Variants in ARL9 observed in about 807,000 individuals in gnomAD.
The protein encoded by ARL9 is ADP-ribosylation factor-like protein 9.
Under a neutral mutation model 27.0 loss-of-function variants are expected in ARL9, and 14 were observed. The ratio of observed to expected loss-of-function variants is 0.52; its 90% confidence interval spans 0.34 to 0.81. The LOEUF is 0.81. Ranked by LOEUF, ARL9 falls within the 30% of genes least tolerant of loss-of-function variation. The probability of loss-of-function intolerance (pLI) is 0.01; values close to 1 mark genes in which losing one functional copy is unlikely to be tolerated. For synonymous variants in ARL9, 106 were observed against 108.7 expected (o/e 0.98, Z 0.15); for missense variants, 294 against 290.0 (o/e 1.01, Z -0.10).
intron 3 of ARL9, among the ~76,000 whole-genome samples, chr4:56,520,396 G>A (rs899734634): frequency 3.3e-5 from 5 of 152,160 alleles, no homozygotes; most frequent in Non-Finnish European, 1.5e-5. Flanking sequence ...AAGTGAATAA[G>A]CCAGTCACAA....
intron 2 of ARL9, among the ~76,000 whole-genome samples, chr4:56,517,779 ATT>A (rs534559710): frequency 6.7e-6 from 1 of 149,164 alleles, no homozygotes; most frequent in African/African-American, 2.5e-5. Context: ...ATCAAAAGGC[ATT>A]TTTTTTTTCT....
At chr4:56,509,631 T>C (rs192666222) in intron 1 of ARL9, among the ~76,000 whole-genome samples, 4 of 151,488 alleles carry the variant, frequency 2.6e-5, no homozygotes, top group African/African-American at 9.7e-5. Flanking sequence ...GCCTCCAAGG[T>C]TCAAGCAATT....
At chr4:56,506,786 T>TTTTGTGTGTGTGTGTGTG (rs775195012) in intron 1 of ARL9, 3 of 179,852 alleles carry the variant, frequency 1.7e-5, no homozygotes, top group Admixed American at 1.1e-4. Flanking sequence ...ATTAACACAG[T>TTTTGTGTGTGTGTGTGTG]TGTGTGTGTG....
chr4:56,512,610 G>C (rs1721667791), intron 2 of ARL9, among the ~76,000 whole-genome samples: 1 of 149,490 alleles, frequency 6.7e-6, no homozygotes, highest in Admixed American at 6.7e-5. Context: ...CACGATCTCA[G>C]CTCACTGCAA....
chr4:56,516,965 G>A (rs1197727350), intron 2 of ARL9, among the ~76,000 whole-genome samples: 2 of 152,138 alleles, frequency 1.3e-5, no homozygotes, highest in African/African-American at 2.4e-5. Context: ...AGAGGATGTG[G>A]ATGTAGAGGA....
At chr4:56,509,579 G>C (rs1319881648) in intron 1 of ARL9, among the ~76,000 whole-genome samples, 2 of 151,418 alleles carry the variant, frequency 1.3e-5, no homozygotes, top group Admixed American at 1.3e-4. Context: ...CTGTTGCCCA[G>C]GCTGGAGTGC....
chr4:56,511,939 C>CA (rs1369806511), intron 2 of ARL9, among the ~76,000 whole-genome samples: 1 of 152,162 alleles, frequency 6.6e-6, no homozygotes, highest in Non-Finnish European at 1.5e-5. Flanking sequence ...AAGGGAAAAA[C>CA]AAAATGCTTG....
rs61730368 is a variant in ARL9, at chr4:56,518,778, T to C, written c.543T>C (p.Pro181=). ...ATTCAGCAGATCACAGCCGATTACCTGAAGCCAAGAAATACCTTCATCAGC... is the reference window on the plus strand; with the variant it reads ...ATTCAGCAGATCACAGCCGATTACCCGAAGCCAAGAAATACCTTCATCAGC... ...VVDSADHSRL[P]EAKKYLHQLI... is the part of the protein sequence containing the mutation. The change falls in exon 3 of 4, where the codon CCT becomes CCC. Residue 181 remains proline (P), a synonymous_variant. Coordinates refer to ENST00000640821, the MANE Select transcript of ARL9 (RefSeq NM_001363794.2). 493 of 1,614,026 alleles carry C rather than the reference T, an allele frequency of 3.1e-4. 4 individuals carry two copies. The African/African-American group carries it at 6.3e-3, about 21-fold the overall frequency.
intron 1 of ARL9, among the ~76,000 whole-genome samples, chr4:56,508,442 G>C (rs554037284): frequency 6.6e-6 from 1 of 152,126 alleles, no homozygotes; most frequent in Admixed American, 6.5e-5. Flanking sequence ...GAGTGCAATG[G>C]CGCGATCTCA....
At position 56,518,711 on chromosome 4, in the gene ARL9, A is replaced by G; in HGVS notation, c.476A>G (p.Glu159Gly). 6.2e-7 allele frequency: 1 copy of G among 1,613,820 alleles called. No homozygotes were observed. The highest frequency in any genetic ancestry group is 1.1e-5 in the South Asian group (1 of 91,042). The change falls in exon 3 of 4, where the codon GAA becomes GGA. Residue 159 changes from glutamate to glycine, a missense_variant. By Grantham distance (98) the Glu-to-Gly change is moderately conservative (BLOSUM62 -2). Transcript: ENST00000640821. ...GGSKPFRSYW[E>G]MYLSKGLLLI... ...AGTAAACCTTTTCGGTCCTACTGGG[A>G]AATGTACCTATCCAAGGGATTGCTG... is the stretch of plus-strand genomic sequence containing the variant.
intron 3 of ARL9, among the ~76,000 whole-genome samples, chr4:56,522,219 G>A (rs187173763): frequency 2.0e-5 from 3 of 152,042 alleles, no homozygotes; most frequent in Non-Finnish European, 2.9e-5. Context: ...TCAGGAGTTC[G>A]AGACCAGCCT....
At chr4:56,516,584 C>CAAAAAAAAAAAA (rs10718013) in intron 2 of ARL9, among the ~76,000 whole-genome samples, 21 of 120,804 alleles carry the variant, frequency 1.7e-4, no homozygotes, top group Non-Finnish European at 2.8e-4. Flanking sequence ...TCAAATTAGG[C>CAAAAAAAAAAAA]AAAAAAAAAA....
In ARL9 at chr4:56,522,899, C is replaced by G. The variant is rs558955730; in HGVS notation, c.619-798C>G. Among the ~76,000 whole-genome samples, 3 of 152,204 alleles carry G rather than the reference C, an allele frequency of 2.0e-5. No homozygotes were observed. The South Asian group carries it at 6.2e-4, about 32-fold the overall frequency. On this transcript the variant is annotated intron_variant, in intron 3 of 3. Coordinates refer to ENST00000640821, the MANE Select transcript of ARL9 (RefSeq NM_001363794.2). ...TCTCTTCTCTGTCTTCCTCTACTCC[C>G]CAAAATTGGTTGAGGATTTTTTTGT...
chr4:56,505,736 C>T (rs1721437229), upstream of ARL9: 1 of 1,390,182 alleles, frequency 7.2e-7, no homozygotes, highest in Admixed American at 3.2e-5. Flanking sequence ...GCAGCGCCCG[C>T]GGGTTGTCTA....
intron 1 of ARL9, among the ~76,000 whole-genome samples, chr4:56,509,183 T>TTTTTTC (rs922698874): frequency 6.0e-5 from 9 of 149,698 alleles, no homozygotes; most frequent in African/African-American, 2.0e-4. Flanking sequence ...GATAGAATGC[T>TTTTTTC]TTTTTCTTTT....
At chr4:56,512,267 A>G (rs1044694779) in intron 2 of ARL9, among the ~76,000 whole-genome samples, 1 of 152,192 alleles carries the variant, frequency 6.6e-6, no homozygotes, top group Non-Finnish European at 1.5e-5. Flanking sequence ...TTTTAAGTAC[A>G]TCATTTGCTA....
At chr4:56,518,982 AT>A in intron 3 of ARL9, 129 bp downstream of exon 3, 1 of 884,918 alleles carries the variant, frequency 1.1e-6, no homozygotes, top group Non-Finnish European at 1.7e-6. Context: ...GAGCTCTTGG[AT>A]TATAAACACC....
At chr4:56,509,202 TTTTTTTTG>T (rs1366347792) in intron 1 of ARL9, among the ~76,000 whole-genome samples, 329 of 128,132 alleles carry the variant, frequency 2.6e-3, no homozygotes, top group African/African-American at 9.3e-3. Flanking sequence ...TTTCTTTTTC[TTTTTTTTG>T]TTTTTTTTTT....
chr4:56,522,191 C>T (rs967130180), intron 3 of ARL9, among the ~76,000 whole-genome samples: 24 of 152,082 alleles, frequency 1.6e-4, no homozygotes, highest in African/African-American at 5.3e-4. Context: ...AAGGCCAAGG[C>T]GGGCGGAACA....
Sources: allele counts gnomAD v4.1 joint callset (sites outside exome capture counted in the v4.1 genomes callset), GRCh38; gene constraint gnomAD v4.1.1; transcripts MANE v1.5; gene names NCBI Gene and HGNC (gene_info 2026-07-23, HGNC 2026-07-21).